Variants in SLC8A1 observed in about 807,000 individuals in gnomAD.
SLC8A1 encodes the protein solute carrier family 8 member A1, also known as sodium/calcium exchanger 1.
SLC8A1 carries 18 observed loss-of-function variants against 68.3 expected under a neutral mutation model. That is an observed-to-expected ratio of 0.26 (90% CI 0.18 to 0.39). SLC8A1 has a LOEUF of 0.39. SLC8A1 is among the 10% of genes least tolerant of loss of function. SLC8A1 has a pLI of 1.00. For missense variants in SLC8A1, 985 were observed against 1,156.7 expected (o/e 0.85, Z 2.15); for synonymous variants, 475 against 415.5 (o/e 1.14, Z -1.74).
chr2:40,139,666 A>G, exon 7 of SLC8A1: 2 of 1,613,672 alleles, frequency 1.2e-6, no homozygotes, highest in East Asian at 2.2e-5. Flanking sequence ...CATCGTCGTC[A>G]TCATCTTCCC....
chr2:40,237,196 T>G (rs12712686), intron 2 of SLC8A1, among the ~76,000 whole-genome samples: 19,138 of 152,112 alleles, frequency 0.13, 1,280 homozygotes, highest in Non-Finnish European at 0.14. Flanking sequence ...ATCCTGCAGC[T>G]TGTTTTCCAA....
chr2:40,476,371 G>T (rs116011487), intron 1 of SLC8A1, among the ~76,000 whole-genome samples: 3,055 of 152,244 alleles, frequency 0.02, 42 homozygotes, highest in Non-Finnish European at 0.031. Context: ...CATTCATTTA[G>T]GGAGAGAGAA....
chr2:40,473,991 C>G (rs187869038), intron 1 of SLC8A1, among the ~76,000 whole-genome samples: 18 of 152,244 alleles, frequency 1.2e-4, no homozygotes, highest in Non-Finnish European at 5.9e-5. Flanking sequence ...TTCCACAAAT[C>G]GTAGTCATAG....
intron 6 of SLC8A1, among the ~76,000 whole-genome samples, chr2:40,152,271 C>T (rs1460129356): frequency 6.6e-6 from 1 of 152,128 alleles, no homozygotes; most frequent in African/African-American, 2.4e-5. Context: ...GTGCAGCAAA[C>T]AACCTTCCAA....
chr2:40,333,389 G>T (rs1054573695), intron 2 of SLC8A1, among the ~76,000 whole-genome samples: 3 of 131,602 alleles, frequency 2.3e-5, no homozygotes, highest in African/African-American at 9.1e-5. Context: ...AGTGGGCCGA[G>T]ATCGCACCAC....
intron 2 of SLC8A1, among the ~76,000 whole-genome samples, chr2:40,266,502 T>C (rs150213918): frequency 2.6e-5 from 4 of 152,320 alleles, no homozygotes; most frequent in African/African-American, 9.6e-5. Flanking sequence ...ACCATTGGAA[T>C]GAGCTCTGCC....
At chr2:40,499,196 C>T (rs1705897369) in intron 1 of SLC8A1, among the ~76,000 whole-genome samples, 1 of 151,814 alleles carries the variant, frequency 6.6e-6, no homozygotes, top group South Asian at 2.1e-4. Context: ...ATACTTTTTT[C>T]AGTTCATCTC....
chr2:40,100,060 A>G (rs1316611196), exon 8 of SLC8A1: 1 of 152,128 alleles, frequency 6.6e-6, no homozygotes, highest in Non-Finnish European at 1.5e-5. Flanking sequence ...TGTGCCAACA[A>G]TTATTATTAT....
At chr2:40,263,953 G>C (rs1468870028) in intron 2 of SLC8A1, among the ~76,000 whole-genome samples, 1 of 152,090 alleles carries the variant, frequency 6.6e-6, no homozygotes, top group Non-Finnish European at 1.5e-5. Flanking sequence ...CTACTCATCT[G>C]ACAAAGGGCT....
chr2:40,347,774 A>G (rs987623797), intron 2 of SLC8A1, among the ~76,000 whole-genome samples: 2 of 152,194 alleles, frequency 1.3e-5, no homozygotes. Flanking sequence ...ATGACCAACA[A>G]AAGAGATCTT....
intron 7 of SLC8A1, among the ~76,000 whole-genome samples, chr2:40,136,961 C>A (rs185824387): frequency 6.6e-6 from 1 of 152,230 alleles, no homozygotes; most frequent in Admixed American, 6.5e-5. Flanking sequence ...ATCTGCGTCC[C>A]GATGGAAAGC....
intron 2 of SLC8A1, among the ~76,000 whole-genome samples, chr2:40,402,827 A>G (rs1031222505): frequency 6.6e-6 from 1 of 152,202 alleles, no homozygotes; most frequent in Non-Finnish European, 1.5e-5. Flanking sequence ...TGACTAGACC[A>G]TCATCACCTA....
At chr2:40,361,464 CTT>C (rs60746878) in intron 2 of SLC8A1, among the ~76,000 whole-genome samples, 20,351 of 146,844 alleles carry the variant, frequency 0.14, 1,851 homozygotes, top group African/African-American at 0.25. Context: ...CTGAAGGAGC[CTT>C]TTTTTTTTTT....
rs377413596 is a variant in SLC8A1 at position 40,339,574 on chromosome 2, T to C, written c.1808+88899A>G. ...CTGAAGTACAAAGTAAATAAGTATA[T>C]ACATGTATGAAAAACTGCTCAGTAA... is the stretch of plus-strand genomic sequence containing the variant. On this transcript the variant is annotated intron_variant, in intron 2 of 7. Transcript: ENST00000406785. 2.3e-4 allele frequency among the ~76,000 whole-genome samples: 35 copies of C among 152,350 alleles called. 1 individual carries two copies. Among genetic ancestry groups the C allele is most frequent in the East Asian group, 1.9e-3 (10 of 5,188 alleles).
At chr2:40,439,000 A>G (rs866936402) in intron 1 of SLC8A1, among the ~76,000 whole-genome samples, 1 of 152,106 alleles carries the variant, frequency 6.6e-6, no homozygotes, top group Non-Finnish European at 1.5e-5. Flanking sequence ...TAAGATGTTG[A>G]TGTTAAGTAA....
chr2:40,155,418 C>T (rs1268018806), intron 6 of SLC8A1, among the ~76,000 whole-genome samples: 3 of 152,140 alleles, frequency 2.0e-5, no homozygotes, highest in South Asian at 2.1e-4. Context: ...CATGAGCCAC[C>T]GTGCCTGGCC....
chr2:40,354,874 T>C (rs6544323), intron 2 of SLC8A1, among the ~76,000 whole-genome samples: 5 of 151,810 alleles, frequency 3.3e-5, no homozygotes, highest in Non-Finnish European at 7.4e-5. Context: ...ATCTTGACAA[T>C]GCACCCCTCC....
chr2:40,301,759 C>T (rs1424325110), intron 2 of SLC8A1, among the ~76,000 whole-genome samples: 1 of 152,042 alleles, frequency 6.6e-6, no homozygotes, highest in Non-Finnish European at 1.5e-5. Context: ...TTTTCATTTC[C>T]ATAGGTTTTG....
intron 2 of SLC8A1, among the ~76,000 whole-genome samples, chr2:40,270,889 C>G (rs1324617680): frequency 6.6e-6 from 1 of 152,130 alleles, no homozygotes; most frequent in Non-Finnish European, 1.5e-5. Flanking sequence ...CTAGAGCTGT[C>G]TTTCCAGGAC....
Sources: allele counts gnomAD v4.1 joint callset (sites outside exome capture counted in the v4.1 genomes callset), GRCh38; gene constraint gnomAD v4.1.1; transcripts MANE v1.5; gene names NCBI Gene and HGNC (gene_info 2026-07-23, HGNC 2026-07-21).